SPECC1: variants seen among roughly 807,000 people sequenced by gnomAD.
SPECC1 encodes the protein sperm antigen with calponin homology and coiled-coil domains 1, also known as cytospin-B.
A neutral mutation model predicts 104.1 loss-of-function variants in SPECC1; 62 were observed. That is an observed-to-expected ratio of 0.60 (90% CI 0.49 to 0.74). The LOEUF (loss-of-function observed/expected upper bound fraction) is 0.74. Among genes scored for constraint, SPECC1 ranks in the 30% least tolerant of loss-of-function variants. The pLI is 0.00. For missense variants in SPECC1, 1,306 were observed against 1,310.5 expected (o/e 1.00, Z 0.05); for synonymous variants, 513 against 501.6 (o/e 1.02, Z -0.30).
At chr17:20,299,585 G>GAA (rs938775339) in intron 13 of SPECC1, among the ~76,000 whole-genome samples, 26 of 128,280 alleles carry the variant, frequency 2.0e-4, no homozygotes, top group African/African-American at 7.5e-4. Flanking sequence ...AAAAAGAAAA[G>GAA]AAAAAAAACC....
chr17:20,116,212 C>T (rs994866042), intron 3 of SPECC1, among the ~76,000 whole-genome samples: 6 of 152,006 alleles, frequency 3.9e-5, no homozygotes, highest in Non-Finnish European at 8.8e-5. Context: ...CTCAGCCTCC[C>T]GAGTAGCTTG....
At chr17:20,248,096 C>T (rs771890122) in intron 9 of SPECC1, among the ~76,000 whole-genome samples, 3 of 152,206 alleles carry the variant, frequency 2.0e-5, no homozygotes, top group Non-Finnish European at 4.4e-5. Context: ...CAGAAAAGCA[C>T]ACTCTGTGCC....
At chr17:20,185,108 AC>A (rs2035172049) in intron 3 of SPECC1, 1 of 152,258 alleles carries the variant, frequency 6.6e-6, no homozygotes. Context: ...AAATAGAGAC[AC>A]TTGAATGAAT....
At chr17:20,088,494 G>A (rs1030542133) in intron 1 of SPECC1, among the ~76,000 whole-genome samples, 3 of 152,106 alleles carry the variant, frequency 2.0e-5, no homozygotes, top group Admixed American at 6.5e-5. Context: ...GAAGAGAGAC[G>A]ATTTTCTGGA....
chr17:20,314,473 T>C lies in SPECC1; in HGVS notation c.*408T>C, dbSNP rs2042008161. On this transcript the variant is annotated 3_prime_UTR_variant, in exon 15 of 15. Coordinates refer to ENST00000395527, the MANE Select transcript of SPECC1 (RefSeq NM_001243439.2). ...TTGTTAAAAATATCCCGGCTTTGCC[T>C]TTATGAAACCTTTGCCCTTGGCTGG... 1 of 309,418 alleles carries C rather than the reference T, an allele frequency of 3.2e-6. No individual in the cohort carries two copies. Among genetic ancestry groups the C allele is most frequent in the Non-Finnish European group, 6.2e-6 (1 of 160,680 alleles). 19.2% of individuals were successfully genotyped at this position (309,418 alleles called of 1,614,324 possible). A position where few individuals can be genotyped will look rare whatever the true frequency, so the allele number is the denominator to read the frequency against.
chr17:20,259,358 A>G lies in SPECC1; in HGVS notation c.2838-834A>G, dbSNP rs2039945459. On this transcript the variant is annotated intron_variant, in intron 11 of 14. Transcript: ENST00000395527. ...ATGCATACAAAAAGGCTATATGTAT[A>G]TGAATATGCTATTGATATTTTACCT... Among the ~76,000 whole-genome samples the G allele has an allele frequency of 2.0e-5, 3 of 152,234 alleles. 1 individual carries two copies. Among genetic ancestry groups the G allele is most frequent in the South Asian group, 4.1e-4 (2 of 4,838 alleles).
chr17:20,150,534 G>T (rs1206027881), intron 3 of SPECC1, among the ~76,000 whole-genome samples: 2 of 151,742 alleles, frequency 1.3e-5, no homozygotes, highest in African/African-American at 4.8e-5. Flanking sequence ...AGCTACTCGG[G>T]AGGCTGAGGC....
At chr17:20,298,338 A>G (rs963029817) in intron 13 of SPECC1, among the ~76,000 whole-genome samples, 2 of 152,222 alleles carry the variant, frequency 1.3e-5, no homozygotes, top group Admixed American at 6.5e-5. Context: ...CTCAAAAAAA[A>G]AAAGAAAAAC....
At chr17:20,134,678 T>C (rs1567868033) in intron 3 of SPECC1, among the ~76,000 whole-genome samples, 1 of 152,148 alleles carries the variant, frequency 6.6e-6, no homozygotes, top group Non-Finnish European at 1.5e-5. Context: ...CTCCAACTCC[T>C]GGGTTCAAGC....
At position 20,296,997 on chromosome 17, in the gene SPECC1, G is replaced by A. The variant is rs770081123; in HGVS notation, c.2977G>A (p.Asp993Asn). 18 of 1,614,032 alleles carry A rather than the reference G, an allele frequency of 1.1e-5. No individual in the cohort carries two copies. The highest frequency in any genetic ancestry group is 2.7e-5 in the African/African-American group (2 of 74,914). Reference protein sequence around the residue: ...DITNFSSSWSDGLAFCALLHT... With the variant: ...DITNFSSSWSNGLAFCALLHT... ...CACCAATTTCAGCAGCAGCTGGAGC[G>A]ATGGCCTGGCCTTCTGTGCTCTGCT... Residue 993 changes from aspartate (D) to asparagine (N), a missense_variant, in exon 13 of 15, where the codon GAT becomes AAT. Physicochemically the swap from Asp to Asn is conservative, Grantham distance 23. Around this residue, in one of 2 missense-constraint regions of SPECC1, gnomAD observed 129 missense variants for 170.6 expected, o/e 0.76. Transcript: ENST00000395527.
rs1449738451 is a variant in SPECC1, at chr17:20,184,176, T to A, written c.284-20157T>A. On this transcript the variant is annotated intron_variant, in intron 3 of 14. Coordinates refer to ENST00000395527, the MANE Select transcript of SPECC1 (RefSeq NM_001243439.2). ...GGCCTGGGTGACAGAGCAAGACTCCTGTCTCAAAAAAAAAAAAAAAAAAAA... is the reference window on the plus strand; with the variant it reads ...GGCCTGGGTGACAGAGCAAGACTCCAGTCTCAAAAAAAAAAAAAAAAAAAA... Among the ~76,000 whole-genome samples the A allele has an allele frequency of 2.2e-5, 3 of 133,344 alleles. No homozygotes were observed. The Admixed American group carries it at 2.4e-4, about 11-fold the overall frequency. The allele number at this position is 133,344 out of a possible 152,430, so 87.5% of individuals were successfully genotyped here.
At chr17:20,055,150 T>G (rs2045914547) in intron 1 of SPECC1, among the ~76,000 whole-genome samples, 1 of 152,210 alleles carries the variant, frequency 6.6e-6, no homozygotes. Context: ...ATTTGTCTAT[T>G]TTTGGTATCT....
At chr17:20,132,543 A>T (rs578014944) in intron 3 of SPECC1, among the ~76,000 whole-genome samples, 85 of 141,460 alleles carry the variant, frequency 6.0e-4, no homozygotes, top group Non-Finnish European at 9.5e-4. Flanking sequence ...GTTTGTTTTC[A>T]TTTTTTTTTG....
intron 2 of SPECC1, among the ~76,000 whole-genome samples, chr17:20,101,680 C>T (rs1012517131): frequency 6.6e-6 from 1 of 152,190 alleles, no homozygotes; most frequent in African/African-American, 2.4e-5. Flanking sequence ...CTCTTGGTTG[C>T]AAATGATGAA....
At chr17:20,046,516 T>C (rs544319614) in intron 1 of SPECC1, among the ~76,000 whole-genome samples, 1 of 152,220 alleles carries the variant, frequency 6.6e-6, no homozygotes, top group Admixed American at 6.5e-5. Flanking sequence ...CCTCTGGAGT[T>C]TATGTACTAG....
intron 3 of SPECC1, among the ~76,000 whole-genome samples, chr17:20,151,229 A>T (rs897673820): frequency 1.3e-5 from 2 of 152,136 alleles, no homozygotes; most frequent in African/African-American, 4.8e-5. Flanking sequence ...CTGTACTTCA[A>T]ATTTTGAATT....
intron 3 of SPECC1, among the ~76,000 whole-genome samples, chr17:20,194,325 C>G (rs1210878993): frequency 6.7e-6 from 1 of 150,358 alleles, no homozygotes; most frequent in Middle Eastern, 3.4e-3. Flanking sequence ...TTACTTACCC[C>G]AAGTCAGAAA....
At chr17:20,130,482 A>G (rs1367903421) in intron 3 of SPECC1, among the ~76,000 whole-genome samples, 1 of 152,178 alleles carries the variant, frequency 6.6e-6, no homozygotes, top group Non-Finnish European at 1.5e-5. Flanking sequence ...CTGCAGTGAT[A>G]TATAATAACG....
chr17:20,212,269 G>A (rs1172230430), intron 4 of SPECC1, among the ~76,000 whole-genome samples: 2 of 152,188 alleles, frequency 1.3e-5, no homozygotes, highest in East Asian at 1.9e-4. Context: ...GCTAAGAACC[G>A]AGCAGAGGGA....
Sources: allele counts gnomAD v4.1 joint callset (sites outside exome capture counted in the v4.1 genomes callset), GRCh38; gene constraint gnomAD v4.1.1; regional missense constraint gnomAD v4.1.1; transcripts MANE v1.5; gene names NCBI Gene and HGNC (gene_info 2026-07-23, HGNC 2026-07-21).